COPS3: variants seen among roughly 807,000 people sequenced by gnomAD.
The protein encoded by COPS3 is COP9 signalosome complex subunit 3.
A neutral mutation model predicts 58.2 loss-of-function variants in COPS3; 10 were observed. The ratio of observed to expected loss-of-function variants is 0.17; its 90% CI spans 0.11 to 0.29. COPS3 has a LOEUF of 0.29. COPS3 is among the 10% of genes least tolerant of loss of function. The pLI, the probability that COPS3 is intolerant of heterozygous loss-of-function variation, is 1.00. For synonymous variants in COPS3, 187 were observed against 181.7 expected (o/e 1.03, Z -0.24); for missense variants, 333 against 510.1 (o/e 0.65, Z 3.34).
At chr17:17,267,203 T>C (rs1003557041) in intron 5 of COPS3, among the ~76,000 whole-genome samples, 3 of 151,210 alleles carry the variant, frequency 2.0e-5, no homozygotes, top group Non-Finnish European at 4.4e-5. Flanking sequence ...CCAGGCGTGA[T>C]AGCGGGCGCC....
chr17:17,277,495 G>A (rs896819402), intron 1 of COPS3, among the ~76,000 whole-genome samples: 2 of 152,136 alleles, frequency 1.3e-5, no homozygotes, highest in East Asian at 1.9e-4. Context: ...ACAGCTCAAC[G>A]CAGCCTCCAT....
Position 17,247,119 on chromosome 17 carries a change from G to A in COPS3, c.1251C>T (p.Asn417=). The change falls in exon 12 of 12, where the codon AAC becomes AAT. Residue 417 remains asparagine (N), a synonymous_variant. Transcript: ENST00000268717. ...AGTTTCAAGAATAACTGGATGGTTT[G>A]TTTCCTGAATCATCTTCTTGTGAGC... is the stretch of plus-strand genomic sequence containing the variant. ...SMGSQEDDSG[N]KPSSYS 1 of 1,613,766 alleles carries A rather than the reference G, an allele frequency of 6.2e-7. No homozygotes were observed.
chr17:17,269,894 C>T (rs1048503358), intron 4 of COPS3, among the ~76,000 whole-genome samples: 5 of 152,148 alleles, frequency 3.3e-5, no homozygotes, highest in South Asian at 2.1e-4. Context: ...TGGTGGCTCA[C>T]GCCTGTAATC....
chr17:17,256,294 ACAT>A (rs1371228648), intron 8 of COPS3, among the ~76,000 whole-genome samples: 1 of 152,166 alleles, frequency 6.6e-6, no homozygotes, highest in Non-Finnish European at 1.5e-5. Flanking sequence ...CAAGGTATGC[ACAT>A]CATTATGAAG....
intron 2 of COPS3, among the ~76,000 whole-genome samples, 168 bp downstream of exon 2, chr17:17,275,867 G>A (rs1416648209): frequency 1.3e-5 from 2 of 152,134 alleles, no homozygotes; most frequent in Non-Finnish European, 2.9e-5. Context: ...GAGTGAACCC[G>A]GGAGGCGGAG....
At chr17:17,263,505 C>CTTTTTTTTTTTTTTT (rs1400982096) in intron 6 of COPS3, among the ~76,000 whole-genome samples, 1 of 108,460 alleles carries the variant, frequency 9.2e-6, no homozygotes. Flanking sequence ...AGCCTCTTGC[C>CTTTTTTTTTTTTTTT]TTTTCTTTTT....
In COPS3 at chr17:17,247,118, T is replaced by A; in HGVS notation, c.1252A>T (p.Lys418Ter). Reference sequence around the variant, plus strand: ...TAGTTTCAAGAATAACTGGATGGTTTGTTTCCTGAATCATCTTCTTGTGAG... The same window carrying A: ...TAGTTTCAAGAATAACTGGATGGTTAGTTTCCTGAATCATCTTCTTGTGAG... Reference protein sequence around the residue: ...MGSQEDDSGNKPSSYS With the variant: ...MGSQEDDSGN The change falls in exon 12 of 12, where the codon AAA becomes TAA. Residue 418 changes from lysine to a stop codon, truncating the protein, a stop_gained. Transcript: ENST00000268717. LOFTEE classifies it high-confidence loss of function. 6.2e-7 allele frequency: 1 copy of A among 1,613,962 alleles called. No individual in the cohort carries two copies. Among genetic ancestry groups the A allele is most frequent in the Non-Finnish European group, 8.5e-7 (1 of 1,179,806 alleles).
chr17:17,253,885 G>A (rs2047903230), intron 9 of COPS3, among the ~76,000 whole-genome samples: 3 of 152,104 alleles, frequency 2.0e-5, no homozygotes, highest in Non-Finnish European at 4.4e-5. Flanking sequence ...CAGCTACTCG[G>A]GAGGCTGAGA....
chr17:17,267,671 A>G (rs16961493), intron 5 of COPS3, among the ~76,000 whole-genome samples: 17,064 of 151,086 alleles, frequency 0.11, 1,210 homozygotes, highest in South Asian at 0.22. Flanking sequence ...ACTATTAATT[A>G]CCCTATCTGT....
intron 10 of COPS3, 84 bp downstream of exon 10, chr17:17,248,841 TA>T: frequency 2.3e-6 from 2 of 875,968 alleles, no homozygotes; most frequent in Non-Finnish European, 3.6e-6. Flanking sequence ...TACTTAAAAC[TA>T]AAATTATCCT....
chr17:17,255,536 T>C (rs1437621000), intron 8 of COPS3, among the ~76,000 whole-genome samples: 8 of 148,492 alleles, frequency 5.4e-5, no homozygotes, highest in Non-Finnish European at 1.0e-4. Context: ...AATAGATTTG[T>C]GTAGATGACT....
intron 2 of COPS3, 106 bp from the exon 3 acceptor site, chr17:17,271,114 A>T: frequency 1.2e-6 from 1 of 802,318 alleles, no homozygotes; most frequent in Non-Finnish European, 2.1e-6. Context: ...CTGTAAAATT[A>T]AATGAGCAAC....
intron 9 of COPS3, among the ~76,000 whole-genome samples, chr17:17,249,336 A>G (rs2145183583): frequency 6.6e-6 from 1 of 152,100 alleles, no homozygotes; most frequent in African/African-American, 2.4e-5. Context: ...TTATTTATTT[A>G]TTTATTTGAG....
At position 17,247,797 on chromosome 17, in the gene COPS3, G is replaced by A. The variant is rs1290355527; in HGVS notation, c.1138-237C>T. 4 of 423,188 alleles carry A rather than the reference G, an allele frequency of 9.5e-6. No individual in the cohort carries two copies. In the Admixed American group the frequency reaches 1.2e-4, roughly 12 times the overall value. The allele number at this position is 423,188 out of a possible 1,614,324, so 26.2% of individuals were successfully genotyped here. ...GGCAAACCTCATAATCAAACACATAGTATCTTTTGCAGTGAAACGAGTATA... is the reference window on the plus strand; with the variant it reads ...GGCAAACCTCATAATCAAACACATAATATCTTTTGCAGTGAAACGAGTATA... On this transcript the variant is annotated intron_variant, in intron 10 of 11. Coordinates refer to ENST00000268717, the MANE Select transcript of COPS3 (RefSeq NM_003653.4).
intron 6 of COPS3, among the ~76,000 whole-genome samples, chr17:17,262,313 C>T (rs1035914780): frequency 8.6e-5 from 13 of 152,032 alleles, no homozygotes; most frequent in African/African-American, 1.4e-4. Flanking sequence ...TAGGCTGGAG[C>T]GCAGTGATGT....
chr17:17,266,750 G>C (rs961582628), intron 5 of COPS3, among the ~76,000 whole-genome samples: 3 of 151,518 alleles, frequency 2.0e-5, no homozygotes, highest in African/African-American at 7.3e-5. Flanking sequence ...AGTGAGCCTA[G>C]ATCATGCCAC....
Position 17,267,868 on chromosome 17 carries a change from AC to A in COPS3, c.441+16del. Reference sequence around the variant, plus strand: ...ACACCTCTGACTTGGTGTGAATCACACACTTTGGTTGCTTACCTGGCAGAGA... The same window carrying A: ...ACACCTCTGACTTGGTGTGAATCACAACTTTGGTTGCTTACCTGGCAGAGA... On this transcript the variant is annotated intron_variant, in intron 5 of 11. Transcript: ENST00000268717. 1 of 1,612,116 alleles carries A rather than the reference AC, an allele frequency of 6.2e-7. No homozygotes were observed. The highest frequency in any genetic ancestry group is 1.7e-5 in the Admixed American group (1 of 59,736).
chr17:17,247,686 C>A, intron 10 of COPS3, 126 bp from the exon 11 acceptor site: 1 of 880,380 alleles, frequency 1.1e-6, no homozygotes. Context: ...CCTGGGGCCA[C>A]ATGGGTTTTG....
At chr17:17,280,467 G>A (rs1274160957) in intron 1 of COPS3, 1 of 923,810 alleles carries the variant, frequency 1.1e-6, no homozygotes, top group Non-Finnish European at 1.4e-6. Flanking sequence ...GGCTGAGACA[G>A]GAGAATCGCT....
Sources: allele counts gnomAD v4.1 joint callset (sites outside exome capture counted in the v4.1 genomes callset), GRCh38; gene constraint gnomAD v4.1.1; transcripts MANE v1.5; gene names NCBI Gene and HGNC (gene_info 2026-07-23, HGNC 2026-07-21).